Variants in CDK14 observed in about 807,000 individuals in gnomAD.
CDK14 encodes the protein cyclin dependent kinase 14, also known as cyclin-dependent kinase 14.
CDK14 carries 34 observed loss-of-function variants against 60.7 expected under a neutral mutation model. The observed-to-expected ratio is 0.56, with a 90% CI of 0.43 to 0.75. CDK14 has a LOEUF of 0.75. Ranked by LOEUF, CDK14 falls within the 30% of genes least tolerant of loss-of-function variation. CDK14 has a pLI of 0.00. For synonymous variants in CDK14, 197 were observed against 203.7 expected (o/e 0.97, Z 0.28); for missense variants, 482 against 564.1 (o/e 0.85, Z 1.47).
At chr7:90,912,565 TGGAAAGGATTAAGTAATTTGTTG>T in intron 7 of CDK14, among the ~76,000 whole-genome samples, 1 of 152,308 alleles carries the variant, frequency 6.6e-6, no homozygotes, top group East Asian at 1.9e-4. Flanking sequence ...GGATGGTAGC[TGGAAAGGATTAAGTAATTTGTTG>T]GGGGTTTTTT....
chr7:90,744,115 A>G (rs912609064), intron 3 of CDK14, among the ~76,000 whole-genome samples: 8 of 152,212 alleles, frequency 5.3e-5, no homozygotes, highest in Non-Finnish European at 8.8e-5. Flanking sequence ...CAGATAAACA[A>G]GTGAACAAAG....
intron 10 of CDK14, among the ~76,000 whole-genome samples, chr7:90,998,111 G>A (rs1325788996): frequency 6.6e-6 from 1 of 152,082 alleles, no homozygotes; most frequent in African/African-American, 2.4e-5. Flanking sequence ...ATACCATCAT[G>A]TCAAATTAGA....
At chr7:91,144,985 A>T (rs142533239) in intron 14 of CDK14, among the ~76,000 whole-genome samples, 1 of 152,190 alleles carries the variant, frequency 6.6e-6, no homozygotes, top group African/African-American at 2.4e-5. Flanking sequence ...GAACACTCAG[A>T]TGGATCGCAC....
chr7:91,173,379 A>G (rs1053646307), intron 14 of CDK14, among the ~76,000 whole-genome samples: 1 of 151,702 alleles, frequency 6.6e-6, no homozygotes, highest in Non-Finnish European at 1.5e-5. Context: ...GGATCACTTG[A>G]GCCCAGGAAT....
chr7:90,606,022 C>G (rs1231652091), intron 2 of CDK14, among the ~76,000 whole-genome samples: 5 of 152,144 alleles, frequency 3.3e-5, no homozygotes, highest in Admixed American at 1.3e-4. Flanking sequence ...TAATTTGGGT[C>G]AAAATCATCC....
chr7:91,120,546 T>TG (rs1192711889), intron 14 of CDK14, among the ~76,000 whole-genome samples: 2 of 151,934 alleles, frequency 1.3e-5, no homozygotes, highest in East Asian at 3.9e-4. Flanking sequence ...CTTTTTTTTT[T>TG]TTTTTGAGAT....
At chr7:91,070,112 C>G (rs1773237386) in intron 11 of CDK14, among the ~76,000 whole-genome samples, 1 of 152,142 alleles carries the variant, frequency 6.6e-6, no homozygotes, top group Non-Finnish European at 1.5e-5. Context: ...ATTGTGTTGA[C>G]TAACTGTTTT....
intron 8 of CDK14, among the ~76,000 whole-genome samples, chr7:90,921,716 A>G (rs1793258982): frequency 1.3e-5 from 2 of 152,234 alleles, no homozygotes; most frequent in South Asian, 4.2e-4. Flanking sequence ...GCATTTAAGG[A>G]CTTAGCTTAT....
intron 11 of CDK14, among the ~76,000 whole-genome samples, chr7:91,065,190 C>G (rs1045188746): frequency 2.2e-4 from 34 of 152,154 alleles, no homozygotes; most frequent in Non-Finnish European, 4.9e-4. Flanking sequence ...GATGCTTTAG[C>G]CTCACGGGTA....
At chr7:91,202,409 A>G (rs773704870) in intron 14 of CDK14, among the ~76,000 whole-genome samples, 6 of 152,222 alleles carry the variant, frequency 3.9e-5, no homozygotes, top group Admixed American at 3.9e-4. Context: ...ATGAGTGGCT[A>G]TGCACATAGT....
At position 91,165,086 on chromosome 7, in the gene CDK14, T is replaced by C. The variant is rs145162881; in HGVS notation, c.*29-42079T>C. 5.3e-5 allele frequency among the ~76,000 whole-genome samples: 8 copies of C among 152,300 alleles called. No homozygotes were observed. In the East Asian group the frequency reaches 1.5e-3, roughly 29 times the overall value. ...TGTGATCGCTCTTCAGCGTTCCCTA[T>C]GCGGCCTGGTTCATACAGTCACAAC... On this transcript the variant is annotated intron_variant, in intron 14 of 14. Coordinates refer to ENST00000380050, the MANE Select transcript of CDK14 (RefSeq NM_001287135.2).
intron 6 of CDK14, among the ~76,000 whole-genome samples, chr7:90,876,031 T>C (rs1023957238): frequency 6.6e-6 from 1 of 152,214 alleles, no homozygotes; most frequent in Non-Finnish European, 1.5e-5. Flanking sequence ...TTGTTATTTT[T>C]TTCTTTTAGT....
chr7:91,026,083 C>T (rs756549270), intron 10 of CDK14, among the ~76,000 whole-genome samples: 1 of 152,000 alleles, frequency 6.6e-6, no homozygotes, highest in African/African-American at 2.4e-5. Flanking sequence ...TGGGCTGTCC[C>T]TTTGCTCCTC....
At chr7:90,886,114 T>C (rs1407015844) in intron 6 of CDK14, among the ~76,000 whole-genome samples, 1 of 152,226 alleles carries the variant, frequency 6.6e-6, no homozygotes, top group African/African-American at 2.4e-5. Flanking sequence ...CAGATTTTAT[T>C]AAGCTTTTGA....
At chr7:91,041,272 T>G (rs1478619188) in intron 10 of CDK14, among the ~76,000 whole-genome samples, 1 of 152,022 alleles carries the variant, frequency 6.6e-6, no homozygotes, top group Non-Finnish European at 1.5e-5. Context: ...CGTGAGACCA[T>G]TTTGTAGCTT....
At chr7:90,815,264 C>T (rs1789301595) in intron 5 of CDK14, among the ~76,000 whole-genome samples, 1 of 151,958 alleles carries the variant, frequency 6.6e-6, no homozygotes, top group Non-Finnish European at 1.5e-5. Context: ...GTTTGTGTTT[C>T]AATATAATTT....
intron 5 of CDK14, among the ~76,000 whole-genome samples, chr7:90,793,791 C>T (rs7808308): frequency 0.073 from 11,177 of 152,158 alleles, 512 homozygotes; most frequent in South Asian, 0.11. Context: ...TTTATTTGAA[C>T]GCAGCACTCC....
intron 14 of CDK14, among the ~76,000 whole-genome samples, chr7:91,197,970 T>C (rs919809352): frequency 2.0e-5 from 3 of 152,204 alleles, no homozygotes; most frequent in Non-Finnish European, 4.4e-5. Context: ...TTGGCACTGT[T>C]GTGAAGCAGC....
chr7:91,079,560 C>T, intron 12 of CDK14, 80 bp downstream of exon 12: 4 of 990,108 alleles, frequency 4.0e-6, no homozygotes, highest in South Asian at 2.7e-5. Context: ...TTTTTCATGG[C>T]ATTGTTGATT....
Sources: allele counts gnomAD v4.1 joint callset (sites outside exome capture counted in the v4.1 genomes callset), GRCh38; gene constraint gnomAD v4.1.1; transcripts MANE v1.5; gene names NCBI Gene and HGNC (gene_info 2026-07-23, HGNC 2026-07-21).